Variants in NBAS observed in about 807,000 individuals in gnomAD.
NBAS encodes NAG/BC035112 fusion.
In NBAS, 219 loss-of-function variants were observed where a neutral mutation model predicts 302.5. The ratio of observed to expected loss-of-function variants is 0.72; its 90% CI spans 0.65 to 0.81. The LOEUF (loss-of-function observed/expected upper bound fraction) is 0.81. Ranked by LOEUF, NBAS falls within the 30% of genes least tolerant of loss-of-function variation. NBAS has a pLI of 0.00. For missense variants in NBAS, 2,932 were observed against 2,841.6 expected (o/e 1.03, Z -0.72); for synonymous variants, 1,118 against 1,021.6 (o/e 1.09, Z -1.80).
At chr2:15,001,965 A>G in the NBAS span, among the ~76,000 whole-genome samples, 2 of 152,116 alleles carry the variant, frequency 1.3e-5, no homozygotes, top group African/African-American at 4.8e-5. Flanking sequence ...GCCTGCTTTT[A>G]TTCTCTTCTC....
the NBAS span, among the ~76,000 whole-genome samples, chr2:14,940,234 C>T: frequency 2.0e-5 from 3 of 152,152 alleles, no homozygotes; most frequent in Admixed American, 1.3e-4. Flanking sequence ...GAAAGAAACT[C>T]CTTGCCTTAG....
chr2:15,203,850 C>CTG (rs1163629239), intron 48 of NBAS, among the ~76,000 whole-genome samples: 7 of 143,182 alleles, frequency 4.9e-5, no homozygotes, highest in Admixed American at 1.4e-4. Flanking sequence ...GGTGGCATGT[C>CTG]TGTGTGTGTG....
rs1165414098 is a variant in NBAS, at chr2:15,539,419, A to G, written c.380-63T>C. On this transcript the variant is annotated intron_variant, in intron 6 of 51. Transcript: ENST00000281513. ...TATTACAAAGATAGTTAATGCTTTTAGTAACTGCAACTAAAGTAAGTATTC... is the reference window on the plus strand; with the variant it reads ...TATTACAAAGATAGTTAATGCTTTTGGTAACTGCAACTAAAGTAAGTATTC... 9.5e-6 allele frequency: 15 copies of G among 1,581,352 alleles called. No homozygotes were observed. The South Asian group carries it at 1.7e-4, about 18-fold the overall frequency.
At chr2:15,321,220 T>C (rs1439333842) in intron 38 of NBAS, among the ~76,000 whole-genome samples, 9 of 152,098 alleles carry the variant, frequency 5.9e-5, no homozygotes, top group Non-Finnish European at 8.8e-5. Context: ...GGATCCCTTC[T>C]TTACACCTTA....
downstream of NBAS, among the ~76,000 whole-genome samples, chr2:15,165,355 C>T (rs911112824): frequency 1.3e-5 from 2 of 152,220 alleles, no homozygotes; most frequent in African/African-American, 4.8e-5. Flanking sequence ...ATATGGTGTC[C>T]TCTTTCCTGT....
At chr2:15,293,757 T>C (rs1670425135) in intron 40 of NBAS, among the ~76,000 whole-genome samples, 1 of 152,130 alleles carries the variant, frequency 6.6e-6, no homozygotes, top group African/African-American at 2.4e-5. Context: ...CACAGGAGAT[T>C]TGTCAATGTC....
rs1481151681 is a variant in NBAS at position 15,553,449 on chromosome 2, A to G, written c.312T>C (p.Val104=). The change falls in exon 5 of 52, where the codon GTT becomes GTC. Residue 104 remains valine, a synonymous_variant. Transcript: ENST00000281513. The part of the protein sequence containing the change: ...LASNGKLLAA[V]QDQCVEIRSA... The stretch of plus-strand genomic sequence containing the variant: ...ACCTGATTTCCACACACTGATCTTG[A>G]ACAGCAGCCAAAAGCTTTCCATTGC... 2 of 1,611,674 alleles carry G rather than the reference A, an allele frequency of 1.2e-6. No individual in the cohort carries two copies. The highest frequency in any genetic ancestry group is 1.7e-6 in the Non-Finnish European group (2 of 1,177,874).
At chr2:15,493,345 G>A (rs945381323) in intron 11 of NBAS, among the ~76,000 whole-genome samples, 16 of 152,126 alleles carry the variant, frequency 1.1e-4, no homozygotes, top group Non-Finnish European at 2.4e-4. Flanking sequence ...TTGGAAATGG[G>A]AGGATAAAAG....
the NBAS span, among the ~76,000 whole-genome samples, chr2:14,807,593 C>T: frequency 4.6e-5 from 7 of 152,052 alleles, no homozygotes; most frequent in Non-Finnish European, 8.8e-5. Context: ...AGAAAATGAA[C>T]ATCTACAGAT....
intron 48 of NBAS, among the ~76,000 whole-genome samples, chr2:15,191,283 C>T (rs993202441): frequency 2.0e-5 from 3 of 152,186 alleles, no homozygotes; most frequent in Non-Finnish European, 2.9e-5. Flanking sequence ...ATTGTCTGCA[C>T]TAATGCATAT....
chr2:15,383,413 A>G (rs940822532), intron 28 of NBAS, 96 bp from the exon 29 acceptor site: 6 of 977,648 alleles, frequency 6.1e-6, no homozygotes, highest in Non-Finnish European at 9.8e-6. Flanking sequence ...AAAAACTGGT[A>G]CCACCACTCT....
At chr2:14,782,128 C>T in the NBAS span, among the ~76,000 whole-genome samples, 1 of 152,086 alleles carries the variant, frequency 6.6e-6, no homozygotes, top group Non-Finnish European at 1.5e-5. Flanking sequence ...GGTTAAAGTT[C>T]TTCCATGATC....
intron 44 of NBAS, among the ~76,000 whole-genome samples, chr2:15,254,057 C>T (rs1388594286): frequency 1.3e-5 from 2 of 152,172 alleles, no homozygotes; most frequent in African/African-American, 2.4e-5. Context: ...GCCATTATTA[C>T]ATTCTGGGGT....
intron 47 of NBAS, among the ~76,000 whole-genome samples, chr2:15,220,047 C>T (rs1388531988): frequency 6.9e-6 from 1 of 144,598 alleles, no homozygotes; most frequent in African/African-American, 2.6e-5. Context: ...CCCCCACCTC[C>T]CTCCCGGACG....
the NBAS span, among the ~76,000 whole-genome samples, chr2:15,100,516 A>G: frequency 2.6e-5 from 4 of 152,334 alleles, no homozygotes; most frequent in East Asian, 5.8e-4. Flanking sequence ...TTCATTAATG[A>G]TAAGTGGTTT....
intron 11 of NBAS, among the ~76,000 whole-genome samples, chr2:15,490,355 T>C (rs1368236256): frequency 6.6e-6 from 1 of 152,126 alleles, no homozygotes; most frequent in Non-Finnish European, 1.5e-5. Flanking sequence ...TAAAATTACT[T>C]TAACTAGATA....
At chr2:15,114,296 A>G in the NBAS span, among the ~76,000 whole-genome samples, 4 of 152,270 alleles carry the variant, frequency 2.6e-5, no homozygotes, top group African/African-American at 7.2e-5. Flanking sequence ...TGGTTTCCCC[A>G]GAGTCCTCTC....
chr2:14,970,826 G>A, the NBAS span, among the ~76,000 whole-genome samples: 99 of 152,302 alleles, frequency 6.5e-4, no homozygotes, highest in African/African-American at 2.3e-3. Context: ...CAACCCTTTA[G>A]TAAAGCCTTG....
chr2:15,188,190 AG>A (rs1470160668), intron 49 of NBAS, among the ~76,000 whole-genome samples: 17 of 152,360 alleles, frequency 1.1e-4, no homozygotes, highest in African/African-American at 3.8e-4. Context: ...ATCTTCCTTA[AG>A]TACAAACTCA....
Sources: allele counts gnomAD v4.1 joint callset (sites outside exome capture counted in the v4.1 genomes callset), GRCh38; gene constraint gnomAD v4.1.1; transcripts MANE v1.5; gene names NCBI Gene and HGNC (gene_info 2026-07-23, HGNC 2026-07-21).